The following XIRP2 variants were observed in gnomAD, a reference collection of about 807,000 sequenced individuals.
XIRP2 encodes xin actin binding repeat containing 2.
Under a neutral mutation model 277.0 loss-of-function variants are expected in XIRP2, and 236 were observed. That is an observed-to-expected ratio of 0.85 (90% CI 0.77 to 0.95). The LOEUF (loss-of-function observed/expected upper bound fraction) is 0.95. XIRP2 is among the 40% of genes least tolerant of loss of function. The pLI is 0.00. For missense variants in XIRP2, 4,640 were observed against 4,157.5 expected (o/e 1.12, Z -3.19); for synonymous variants, 1,490 against 1,416.5 (o/e 1.05, Z -1.17).
At chr2:166,943,741 T>C (rs185697613) in intron 2 of XIRP2, among the ~76,000 whole-genome samples, 1 of 152,356 alleles carries the variant, frequency 6.6e-6, no homozygotes, top group African/African-American at 2.4e-5. Flanking sequence ...CAAATTAAAT[T>C]TTTTGAAAAT....
At chr2:167,025,995 A>G (rs1325186894) in intron 2 of XIRP2, among the ~76,000 whole-genome samples, 3 of 152,038 alleles carry the variant, frequency 2.0e-5, no homozygotes, top group African/African-American at 7.2e-5. Flanking sequence ...ACTGAGTTCA[A>G]TTCCTGGGTA....
chr2:167,215,476 C>G (rs1281779415), intron 4 of XIRP2, among the ~76,000 whole-genome samples: 1 of 152,182 alleles, frequency 6.6e-6, no homozygotes, highest in Non-Finnish European at 1.5e-5. Context: ...CTATAATATT[C>G]TGGAGTATGG....
chr2:166,935,328 T>C (rs377119215), intron 2 of XIRP2, among the ~76,000 whole-genome samples: 2 of 152,268 alleles, frequency 1.3e-5, no homozygotes, highest in Non-Finnish European at 1.5e-5. Context: ...AAGAGACTAA[T>C]AGGCCAGTAG....
intron 2 of XIRP2, among the ~76,000 whole-genome samples, chr2:167,079,341 G>A (rs1689667684): frequency 1.3e-5 from 2 of 152,074 alleles, no homozygotes; most frequent in Admixed American, 1.3e-4. Flanking sequence ...AGTGATACTG[G>A]CTTCAAAAAA....
Position 166,961,370 on chromosome 2 carries a change from T to C in XIRP2, c.408+57480T>C, listed in dbSNP as rs114560056. Among the ~76,000 whole-genome samples, 338 of 151,828 alleles carry C rather than the reference T, an allele frequency of 2.2e-3. 1 individual carries two copies. Among genetic ancestry groups the C allele is most frequent in the African/African-American group, 7.8e-3 (324 of 41,488 alleles). ...GATTTCAGAATTGATGTTCAGTACA[T>C]TTCAGGGCCATGAGGTTGCTTTAAA... is the stretch of plus-strand genomic sequence containing the variant. On this transcript the variant is annotated intron_variant, in intron 2 of 10. Transcript: ENST00000409195.
At chr2:167,255,757 C>CAG (rs1252788287) in intron 10 of XIRP2, among the ~76,000 whole-genome samples, 1 of 151,756 alleles carries the variant, frequency 6.6e-6, no homozygotes, top group Non-Finnish European at 1.5e-5. Flanking sequence ...GATGTTTCTG[C>CAG]AGTTGTTCTG....
At chr2:167,030,135 T>A (rs931425544) in intron 2 of XIRP2, among the ~76,000 whole-genome samples, 1 of 152,136 alleles carries the variant, frequency 6.6e-6, no homozygotes, top group Non-Finnish European at 1.5e-5. Context: ...TAGCAGTCTA[T>A]CTATTTTGTT....
Position 167,250,119 on chromosome 2 carries a change from C to A in XIRP2, c.8727C>A (p.Val2909=), listed in dbSNP as rs1355046749. ...LEVKGIQEKQ[V]FSNTKDSKQE... ...TCAAGGGCATACAAGAGAAACAAGT[C>A]TTCTCTAATACTAAAGATTCAAAGC... is the stretch of plus-strand genomic sequence containing the variant. The change falls in exon 9 of 11, where the codon GTC becomes GTA. Residue 2909 remains valine (V), a synonymous_variant. Transcript: ENST00000409195. 5.0e-6 allele frequency: 8 copies of A among 1,613,148 alleles called. No homozygotes were observed. Among genetic ancestry groups the A allele is most frequent in the Non-Finnish European group, 5.9e-6 (7 of 1,179,626 alleles).
At chr2:167,112,587 ATATATAAATCTC>A (rs1169069316) in intron 2 of XIRP2, among the ~76,000 whole-genome samples, 4 of 146,068 alleles carry the variant, frequency 2.7e-5, no homozygotes, top group Non-Finnish European at 6.0e-5. Flanking sequence ...TATATATAAT[ATATATAAATCTC>A]TATATAAATC....
At chr2:167,167,215 A>G (rs1692545924) in intron 3 of XIRP2, among the ~76,000 whole-genome samples, 1 of 152,096 alleles carries the variant, frequency 6.6e-6, no homozygotes, top group African/African-American at 2.4e-5. Flanking sequence ...TTTATTCTAT[A>G]TATCTCTTTG....
At chr2:167,199,669 A>G (rs922430594) in intron 3 of XIRP2, among the ~76,000 whole-genome samples, 3 of 152,166 alleles carry the variant, frequency 2.0e-5, no homozygotes, top group Admixed American at 6.6e-5. Flanking sequence ...AGGCACGCAC[A>G]CTTTCTATTA....
At chr2:167,122,789 C>T (rs1484355822) in intron 2 of XIRP2, among the ~76,000 whole-genome samples, 3 of 152,174 alleles carry the variant, frequency 2.0e-5, no homozygotes, top group Non-Finnish European at 4.4e-5. Flanking sequence ...AGGTACATCA[C>T]ATTGAACAAT....
At chr2:167,156,999 A>T (rs1692222843) in intron 3 of XIRP2, among the ~76,000 whole-genome samples, 1 of 152,156 alleles carries the variant, frequency 6.6e-6, no homozygotes, top group South Asian at 2.1e-4. Flanking sequence ...CAATCTAAAA[A>T]TACCCATCTT....
At chr2:166,954,126 C>CA (rs1183432456) in intron 2 of XIRP2, among the ~76,000 whole-genome samples, 1 of 151,674 alleles carries the variant, frequency 6.6e-6, no homozygotes, top group Non-Finnish European at 1.5e-5. Context: ...TGAGGGACCA[C>CA]AAAAATGACC....
At position 167,247,917 on chromosome 2, in the gene XIRP2, T is replaced by A. The variant is rs1695331499; in HGVS notation, c.6525T>A (p.Thr2175=). ...CAGTCAGCATGCCAGTTGGAGGAACTTACGACCTTTCAGGGGACTTTCAGA... is the reference window on the plus strand; with the variant it reads ...CAGTCAGCATGCCAGTTGGAGGAACATACGACCTTTCAGGGGACTTTCAGA... ...QHPVSMPVGG[T]YDLSGDFQKQ... is the part of the protein sequence containing the mutation. Residue 2175 remains threonine (T), a synonymous_variant, in exon 9 of 11, where the codon ACT becomes ACA. Coordinates refer to ENST00000409195, the MANE Select transcript of XIRP2 (RefSeq NM_152381.6). 6.2e-7 allele frequency: 1 copy of A among 1,612,978 alleles called. No individual in the cohort carries two copies. The highest frequency in any genetic ancestry group is 1.1e-5 in the South Asian group (1 of 90,854).
At chr2:167,079,448 A>T (rs2105260133) in intron 2 of XIRP2, among the ~76,000 whole-genome samples, 1 of 152,248 alleles carries the variant, frequency 6.6e-6, no homozygotes, top group Non-Finnish European at 1.5e-5. Context: ...TTCGGCTGTG[A>T]ATTCCTTTGA....
intron 3 of XIRP2, among the ~76,000 whole-genome samples, chr2:167,188,206 A>G (rs956737028): frequency 2.0e-5 from 3 of 152,148 alleles, no homozygotes; most frequent in African/African-American, 7.2e-5. Flanking sequence ...TGCCCTATAT[A>G]CTGTTTCAAA....
rs1466848250 is a variant in XIRP2 at position 167,221,748 on chromosome 2, A to G, written c.858+3448A>G. Among the ~76,000 whole-genome samples, 4 of 152,158 alleles carry G rather than the reference A, an allele frequency of 2.6e-5. No homozygotes were observed. The East Asian group carries it at 5.8e-4, about 22-fold the overall frequency. ...GTTGTCAATTCTGATAGTGTTTTCA[A>G]TCTCTTTGCTGTTGAAAGTCCTTGA... is the stretch of plus-strand genomic sequence containing the variant. On this transcript the variant is annotated intron_variant, in intron 5 of 10. Transcript: ENST00000409195.
chr2:167,070,880 C>A (rs937523837), intron 2 of XIRP2, among the ~76,000 whole-genome samples: 11 of 152,238 alleles, frequency 7.2e-5, no homozygotes, highest in African/African-American at 2.4e-4. Context: ...ACATGTAATA[C>A]TAACAACTAT....
Sources: allele counts gnomAD v4.1 joint callset (sites outside exome capture counted in the v4.1 genomes callset), GRCh38; gene constraint gnomAD v4.1.1; transcripts MANE v1.5; gene names NCBI Gene and HGNC (gene_info 2026-07-23, HGNC 2026-07-21).